STK39: variants seen among roughly 807,000 people sequenced by gnomAD.
STK39 encodes the protein STE20/SPS1-related proline-alanine-rich protein kinase.
Under a neutral mutation model 77.8 loss-of-function variants are expected in STK39, and 20 were observed. That is an observed-to-expected ratio of 0.26 (90% confidence interval 0.18 to 0.37). The LOEUF is 0.37. Among genes scored for constraint, STK39 ranks in the 10% least tolerant of loss-of-function variants. STK39 has a pLI of 1.00. For missense variants in STK39, 479 were observed against 656.5 expected (o/e 0.73, Z 2.95); for synonymous variants, 246 against 234.1 (o/e 1.05, Z -0.47).
chr2:167,965,236 A>C (rs1419285549), intron 16 of STK39, among the ~76,000 whole-genome samples: 1 of 152,234 alleles, frequency 6.6e-6, no homozygotes, highest in African/African-American at 2.4e-5. Context: ...TATCAAGGCA[A>C]CAAAATACAG....
chr2:168,244,913 C>T (rs1690860389), intron 1 of STK39, among the ~76,000 whole-genome samples: 1 of 152,194 alleles, frequency 6.6e-6, no homozygotes, highest in African/African-American at 2.4e-5. Flanking sequence ...ATAATTAACA[C>T]TGCTGGGACT....
intron 10 of STK39, among the ~76,000 whole-genome samples, chr2:168,123,020 G>T (rs1177699759): frequency 1.3e-5 from 2 of 152,150 alleles, no homozygotes; most frequent in East Asian, 1.9e-4. Context: ...GCCAGTAAAG[G>T]AATAAATCAA....
chr2:167,997,815 G>C (rs1471281169), intron 16 of STK39, among the ~76,000 whole-genome samples: 1 of 152,168 alleles, frequency 6.6e-6, no homozygotes, highest in African/African-American at 2.4e-5. Context: ...TGAAAACAGT[G>C]ATTTAAAGAA....
chr2:168,088,479 G>T (rs1407125045), intron 10 of STK39, among the ~76,000 whole-genome samples: 2 of 152,166 alleles, frequency 1.3e-5, no homozygotes, highest in African/African-American at 4.8e-5. Context: ...ACAGAAATCA[G>T]TTGCTATCCT....
At chr2:168,130,866 G>T (rs1687677797) in intron 8 of STK39, among the ~76,000 whole-genome samples, 1 of 152,202 alleles carries the variant, frequency 6.6e-6, no homozygotes, top group Non-Finnish European at 1.5e-5. Flanking sequence ...CAACTGGCCT[G>T]ATCTCTTTCA....
In STK39 at chr2:168,183,340, T is replaced by C. The variant is rs540397158; in HGVS notation, c.209-1250A>G. On this transcript the variant is annotated intron_variant, in intron 1 of 17. Transcript: ENST00000355999. ...CTGGGAAAGAAAATCCACACACACATACTGACCACCCACTGCACAGTAGAC... is the reference window on the plus strand; with the variant it reads ...CTGGGAAAGAAAATCCACACACACACACTGACCACCCACTGCACAGTAGAC... 3.3e-5 allele frequency among the ~76,000 whole-genome samples: 5 copies of C among 152,202 alleles called. No individual in the cohort carries two copies. In the South Asian group the frequency reaches 1.0e-3, roughly 32 times the overall value.
intron 14 of STK39, among the ~76,000 whole-genome samples, chr2:168,023,782 GA>G (rs1365238973): frequency 1.3e-5 from 2 of 152,170 alleles, no homozygotes; most frequent in Non-Finnish European, 2.9e-5. Context: ...GCTCTCAAAT[GA>G]AGATGAAAGG....
At chr2:168,011,121 A>G (rs939819671) in intron 16 of STK39, among the ~76,000 whole-genome samples, 1 of 152,218 alleles carries the variant, frequency 6.6e-6, no homozygotes, top group Non-Finnish European at 1.5e-5. Flanking sequence ...AACATGGCAA[A>G]ACCCTGTCTC....
intron 3 of STK39, among the ~76,000 whole-genome samples, chr2:168,166,305 C>T (rs530367838): frequency 3.3e-5 from 5 of 152,276 alleles, no homozygotes; most frequent in South Asian, 2.1e-4. Context: ...AAAAAGGCAA[C>T]GGTTATCATT....
chr2:168,242,548 A>AG (rs1381602128), intron 1 of STK39, among the ~76,000 whole-genome samples: 1 of 23,658 alleles, frequency 4.2e-5, no homozygotes, highest in Non-Finnish European at 8.6e-5. Context: ...GACTCTTACA[A>AG]AAAAAAAAAA....
rs189217609 is a variant in STK39 at position 168,197,650 on chromosome 2, A to G, written c.209-15560T>C. 4.9e-4 allele frequency among the ~76,000 whole-genome samples: 74 copies of G among 152,354 alleles called. 1 individual carries two copies. The highest frequency in any genetic ancestry group is 1.5e-3 in the African/African-American group (63 of 41,578). On this transcript the variant is annotated intron_variant, in intron 1 of 17. Transcript: ENST00000355999. ...AATGTTACGTATAACTAAAAAATAT[A>G]TATGTAAATATCCAGTATTTGTAGG... is the stretch of plus-strand genomic sequence containing the variant.
intron 14 of STK39, among the ~76,000 whole-genome samples, chr2:168,023,906 A>C (rs893922233): frequency 1.4e-4 from 21 of 152,158 alleles, no homozygotes; most frequent in African/African-American, 2.9e-4. Context: ...TAAGCAGCAG[A>C]AGATTTCTCA....
At chr2:168,056,686 G>T (rs762037412) in intron 14 of STK39, among the ~76,000 whole-genome samples, 1 of 152,196 alleles carries the variant, frequency 6.6e-6, no homozygotes, top group Non-Finnish European at 1.5e-5. Flanking sequence ...ATATGCAGGC[G>T]TATATGTGTG....
intron 16 of STK39, among the ~76,000 whole-genome samples, chr2:168,001,087 C>T (rs958048021): frequency 2.0e-5 from 3 of 152,106 alleles, no homozygotes; most frequent in Non-Finnish European, 4.4e-5. Context: ...TTCCTGCTAT[C>T]TGGTTCTATA....
chr2:168,083,866 T>A (rs1235161096), intron 10 of STK39, among the ~76,000 whole-genome samples: 4 of 151,944 alleles, frequency 2.6e-5, no homozygotes, highest in Non-Finnish European at 5.9e-5. Context: ...AGGACTTGGG[T>A]GACCTGAGGA....
At chr2:168,200,572 G>A (rs1223395292) in intron 1 of STK39, among the ~76,000 whole-genome samples, 1 of 152,118 alleles carries the variant, frequency 6.6e-6, no homozygotes, top group Non-Finnish European at 1.5e-5. Flanking sequence ...AGCTACTTGG[G>A]AGGCTGAGGC....
intron 8 of STK39, among the ~76,000 whole-genome samples, chr2:168,135,000 A>G (rs184177007): frequency 2.0e-4 from 30 of 152,244 alleles, no homozygotes; most frequent in African/African-American, 7.2e-5. Context: ...ACATTCTTCA[A>G]CGGGTCCAAA....
intron 14 of STK39, among the ~76,000 whole-genome samples, chr2:168,053,489 T>C (rs1294909282): frequency 6.6e-6 from 1 of 152,214 alleles, no homozygotes; most frequent in East Asian, 1.9e-4. Flanking sequence ...TGGATGATGT[T>C]ATTTCTTTAA....
At chr2:168,144,064 T>C (rs1029664814) in intron 5 of STK39, among the ~76,000 whole-genome samples, 1 of 152,192 alleles carries the variant, frequency 6.6e-6, no homozygotes, top group Non-Finnish European at 1.5e-5. Context: ...TTCAGTAACA[T>C]TGGTCATGGT....
Sources: gnomAD v4.1 joint callset for allele counts (sites outside exome capture counted in the v4.1 genomes callset) on GRCh38, gnomAD v4.1.1 for gene constraint, MANE v1.5 for transcripts, NCBI Gene and HGNC (gene_info 2026-07-23, HGNC 2026-07-21) for gene names.